SORCS3: variants seen among roughly 807,000 people sequenced by gnomAD.
SORCS3 encodes the protein sortilin related VPS10 domain containing receptor 3, also known as VPS10 domain-containing receptor SorCS3.
SORCS3 carries 57 observed loss-of-function variants against 146.3 expected under a neutral mutation model. That is an observed-to-expected ratio of 0.39 (90% CI 0.31 to 0.49). SORCS3 has a LOEUF of 0.49. Ranked by LOEUF, SORCS3 falls within the 20% of genes least tolerant of loss-of-function variation. SORCS3 has a pLI of 0.92. For synonymous variants in SORCS3, 653 were observed against 618.5 expected, an observed-to-expected ratio of 1.06 and a Z score of -0.83; for missense variants, 1,341 against 1,575.5, an observed-to-expected ratio of 0.85 and a Z score of 2.52.
At chr10:105,034,298 A>G (rs533017468) in intron 4 of SORCS3, among the ~76,000 whole-genome samples, 81 of 152,216 alleles carry the variant, frequency 5.3e-4, no homozygotes, top group African/African-American at 1.9e-3. Flanking sequence ...TCCAAGTGGA[A>G]GAAGGGTGTT....
At chr10:104,978,226 G>A (rs145309117) in intron 4 of SORCS3, among the ~76,000 whole-genome samples, 127 of 152,222 alleles carry the variant, frequency 8.3e-4, no homozygotes, top group Non-Finnish European at 1.4e-3. Context: ...CCACCTCGAG[G>A]CATATTCCAT....
At chr10:104,737,673 T>TAG (rs2016790821) in intron 1 of SORCS3, among the ~76,000 whole-genome samples, 1 of 152,202 alleles carries the variant, frequency 6.6e-6, no homozygotes, top group South Asian at 2.1e-4. Context: ...TTCTGGATAT[T>TAG]AGCCCTTTGT....
intron 1 of SORCS3, among the ~76,000 whole-genome samples, chr10:104,747,154 G>GACCTCCCCCA (rs2016920829): frequency 6.6e-6 from 1 of 152,182 alleles, no homozygotes; most frequent in Non-Finnish European, 1.5e-5. Context: ...TTGTTCTGTG[G>GACCTCCCCCA]TCAGTCTGAA....
intron 4 of SORCS3, among the ~76,000 whole-genome samples, chr10:105,030,469 C>T (rs771312611): frequency 1.3e-5 from 2 of 152,158 alleles, no homozygotes; most frequent in Admixed American, 6.5e-5. Flanking sequence ...GTGTCCAAGG[C>T]TCCTGCACAA....
At chr10:104,999,141 C>T (rs73334057) in intron 4 of SORCS3, among the ~76,000 whole-genome samples, 11,375 of 152,114 alleles carry the variant, frequency 0.075, 475 homozygotes, top group African/African-American at 0.1. Context: ...AAAACCGTCC[C>T]TTTTTTGTTT....
At chr10:105,063,707 T>A (rs1243416243) in intron 5 of SORCS3, among the ~76,000 whole-genome samples, 3 of 152,218 alleles carry the variant, frequency 2.0e-5, no homozygotes, top group Non-Finnish European at 4.4e-5. Context: ...CATTTGCACC[T>A]TCACACTTGG....
intron 3 of SORCS3, among the ~76,000 whole-genome samples, chr10:104,975,218 G>C (rs1176150299): frequency 2.6e-5 from 4 of 152,054 alleles, no homozygotes; most frequent in Admixed American, 6.6e-5. Context: ...AAAGTCTCAG[G>C]ATACAAAATC....
At chr10:104,721,954 T>C (rs903506781) in intron 1 of SORCS3, among the ~76,000 whole-genome samples, 4 of 152,200 alleles carry the variant, frequency 2.6e-5, no homozygotes, top group East Asian at 1.9e-4. Flanking sequence ...CTTTTCCTAA[T>C]TGAATACCCT....
intron 5 of SORCS3, among the ~76,000 whole-genome samples, chr10:105,068,253 T>A (rs1428332666): frequency 6.6e-6 from 1 of 152,302 alleles, no homozygotes; most frequent in African/African-American, 2.4e-5. Context: ...GTTAACAATA[T>A]CGCTATCCAT....
intron 4 of SORCS3, among the ~76,000 whole-genome samples, chr10:105,009,291 G>A (rs548356609): frequency 2.2e-4 from 34 of 152,186 alleles, no homozygotes; most frequent in African/African-American, 7.7e-4. Context: ...TTAAATTGTG[G>A]TAGAAAGAAT....
At chr10:104,937,635 C>A (rs1367519388) in intron 3 of SORCS3, among the ~76,000 whole-genome samples, 1 of 152,154 alleles carries the variant, frequency 6.6e-6, no homozygotes, top group Non-Finnish European at 1.5e-5. Flanking sequence ...CAGTCTAGAG[C>A]AAAGTAAGTT....
chr10:104,818,284 T>C (rs2017827689), intron 1 of SORCS3, among the ~76,000 whole-genome samples: 1 of 152,174 alleles, frequency 6.6e-6, no homozygotes. Flanking sequence ...GTTAAGCCAA[T>C]TGGAATCCCT....
Position 104,832,693 on chromosome 10 carries a change from C to T in SORCS3, c.628-10099C>T, listed in dbSNP as rs114209532. Among the ~76,000 whole-genome samples the T allele has an allele frequency of 7.7e-3, 1,163 of 151,868 alleles. 11 individuals are homozygous for T. Among genetic ancestry groups the T allele is most frequent in the African/African-American group, 0.027 (1,099 of 41,354 alleles). ...AGACAGGGCCATTGCCCTCCAGCCT[C>T]GGCAACGAGAGTGAAACTCCATCTC... On this transcript the variant is annotated intron_variant, in intron 1 of 26. Transcript: ENST00000369701.
intron 1 of SORCS3, among the ~76,000 whole-genome samples, chr10:104,781,060 T>A (rs952053755): frequency 1.3e-5 from 2 of 152,338 alleles, no homozygotes. Context: ...TATGGATGTG[T>A]TTTGCACAGA....
intron 6 of SORCS3, among the ~76,000 whole-genome samples, chr10:105,095,954 A>G (rs1006733357): frequency 1.3e-5 from 2 of 152,152 alleles, no homozygotes; most frequent in Non-Finnish European, 2.9e-5. Context: ...TAAGATGGGG[A>G]TACTGGCATC....
chr10:105,186,839 G>A (rs1425507491), intron 14 of SORCS3, among the ~76,000 whole-genome samples: 6 of 149,382 alleles, frequency 4.0e-5, no homozygotes, highest in East Asian at 2.0e-4. Flanking sequence ...AGCCGAGATC[G>A]TGCCACTGCA....
Position 105,137,021 on chromosome 10 carries a change from G to A in SORCS3, c.1213-2376G>A, listed in dbSNP as rs74157451. ...TTCTCAAGGCTGCGGGGCTGATCAC[G>A]CTGTCAAAGGGACCACTCTATTCTC... On this transcript the variant is annotated intron_variant, in intron 7 of 26. Transcript: ENST00000369701. Among the ~76,000 whole-genome samples, 923 of 152,212 alleles carry A rather than the reference G, an allele frequency of 6.1e-3. 6 individuals carry two copies. The highest frequency in any genetic ancestry group is 0.021 in the African/African-American group (858 of 41,524).
At chr10:104,759,753 A>G (rs2017098303) in intron 1 of SORCS3, among the ~76,000 whole-genome samples, 1 of 151,966 alleles carries the variant, frequency 6.6e-6, no homozygotes, top group Admixed American at 6.6e-5. Flanking sequence ...TATTCTATTT[A>G]TGCTGATTTG....
chr10:105,115,979 C>A (rs1303574054), intron 7 of SORCS3, among the ~76,000 whole-genome samples: 1 of 152,154 alleles, frequency 6.6e-6, no homozygotes, highest in Non-Finnish European at 1.5e-5. Flanking sequence ...AAGACATCTT[C>A]AGGTGAATAT....
Sources: allele counts gnomAD v4.1 joint callset (sites outside exome capture counted in the v4.1 genomes callset), GRCh38; gene constraint gnomAD v4.1.1; transcripts MANE v1.5; gene names NCBI Gene and HGNC (gene_info 2026-07-23, HGNC 2026-07-21).